Variants in ERMP1 observed in about 807,000 individuals in gnomAD.
The protein encoded by ERMP1 is Felix-ina.
A neutral mutation model predicts 92.0 loss-of-function variants in ERMP1; 86 were observed. The ratio of observed to expected loss-of-function variants is 0.93; its 90% CI spans 0.79 to 1.12. The LOEUF (loss-of-function observed/expected upper bound fraction) is 1.12. Ranked by LOEUF, ERMP1 falls within the 50% of genes most tolerant of loss-of-function variation. The pLI, the probability that ERMP1 is intolerant of heterozygous loss-of-function variation, is 0.00. For synonymous variants in ERMP1, 530 were observed against 412.8 expected (o/e 1.28, Z -3.44); for missense variants, 1,342 against 1,116.3 (o/e 1.20, Z -2.88).
At chr9:5,840,644 G>A (rs967774652) in intron 6 of ERMP1, among the ~76,000 whole-genome samples, 4 of 152,230 alleles carry the variant, frequency 2.6e-5, no homozygotes, top group Admixed American at 6.5e-5. Flanking sequence ...TGCGCTGAAA[G>A]CACTCCAGTA....
In ERMP1 at chr9:5,801,183, A is replaced by AAC; in HGVS notation, c.2058_2059dup (p.Phe687CysfsTer6). On this transcript the variant is annotated frameshift_variant, in exon 11 of 15. Coordinates refer to ENST00000339450, the MANE Select transcript of ERMP1 (RefSeq NM_024896.3). LOFTEE classifies it high-confidence loss of function. ...TCATGCAAAACTGCTCACCTGAAGA[A>AAC]ACACTCTCTTTGGCTTCGGATTAGC... The AAC allele has an allele frequency of 1.2e-6, 2 of 1,611,152 alleles. No individual in the cohort carries two copies. Among genetic ancestry groups the AAC allele is most frequent in the Non-Finnish European group, 1.7e-6 (2 of 1,178,970 alleles).
At chr9:5,847,462 C>T (rs925770666) in intron 6 of ERMP1, among the ~76,000 whole-genome samples, 1 of 152,108 alleles carries the variant, frequency 6.6e-6, no homozygotes, top group South Asian at 2.1e-4. Flanking sequence ...TGGTCTTCAC[C>T]TCCTGAGCTC....
chr9:5,817,371 G>A (rs185550126), intron 4 of ERMP1, among the ~76,000 whole-genome samples: 4 of 151,788 alleles, frequency 2.6e-5, no homozygotes, highest in Admixed American at 6.6e-5. Flanking sequence ...TGTACTTTTA[G>A]TAGAGACAGG....
In ERMP1 at chr9:5,815,876, A is replaced by G. The variant is rs577304977; in HGVS notation, c.875-2841T>C. 1.2e-3 allele frequency among the ~76,000 whole-genome samples: 177 copies of G among 152,268 alleles called. 1 individual carries two copies. The highest frequency in any genetic ancestry group is 2.1e-3 in the Non-Finnish European group (142 of 68,018). ...CACAAATACAAAAGGAAAAAGAACT[A>G]TGATGATGGGGAAATACGTACATTA... On this transcript the variant is annotated intron_variant, in intron 4 of 14. Coordinates refer to ENST00000339450, the MANE Select transcript of ERMP1 (RefSeq NM_024896.3).
chr9:5,794,794 G>A (rs185205931), intron 13 of ERMP1, among the ~76,000 whole-genome samples: 1 of 152,076 alleles, frequency 6.6e-6, no homozygotes, highest in South Asian at 2.1e-4. Context: ...CAAGCCTACG[G>A]GGGTTCATAG....
At chr9:5,803,533 G>A (rs1828753087) in intron 10 of ERMP1, among the ~76,000 whole-genome samples, 1 of 152,020 alleles carries the variant, frequency 6.6e-6, no homozygotes, top group East Asian at 1.9e-4. Context: ...CCCTATCTGA[G>A]TCATCTTTTA....
intron 13 of ERMP1, chr9:5,791,267 A>G: frequency 2.2e-6 from 1 of 456,824 alleles, no homozygotes; most frequent in Non-Finnish European, 4.4e-6. Context: ...CAAAATCTGA[A>G]GGATAGGCAG....
intron 6 of ERMP1, among the ~76,000 whole-genome samples, chr9:5,852,328 T>C (rs556090149): frequency 6.6e-6 from 1 of 151,932 alleles, no homozygotes; most frequent in South Asian, 2.1e-4. Flanking sequence ...AATGGCATGA[T>C]CAAGGCTCAC....
chr9:5,828,530 CT>C (rs1829813652), intron 2 of ERMP1, among the ~76,000 whole-genome samples: 1 of 152,178 alleles, frequency 6.6e-6, no homozygotes, highest in South Asian at 2.1e-4. Context: ...ATTTATTTGC[CT>C]TCCTTCAATT....
chr9:5,818,720 A>AC (rs1829415233), intron 4 of ERMP1, among the ~76,000 whole-genome samples: 1 of 152,154 alleles, frequency 6.6e-6, no homozygotes, highest in Admixed American at 6.5e-5. Context: ...CTCAAAAAAA[A>AC]AAAAAGAAAA....
intron 10 of ERMP1, among the ~76,000 whole-genome samples, chr9:5,803,285 A>C (rs1828743807): frequency 6.6e-6 from 1 of 152,244 alleles, no homozygotes; most frequent in African/African-American, 2.4e-5. Context: ...AAAGTGCGGC[A>C]GGGCTATTTC....
rs577149771 is a variant in ERMP1, at chr9:5,784,895, A to ATTTG, written c.*2245_*2248dup. On this transcript the variant is annotated 3_prime_UTR_variant, in exon 15 of 15. Transcript: ENST00000339450. ...CATCTAATTCTGTAGAAAATAATGC[A>ATTTG]TTTGTTAGTGACTTTGTTAGAGCTT... is the stretch of plus-strand genomic sequence containing the variant. The ATTTG allele has an allele frequency of 8.3e-4, 126 of 152,548 alleles. No individual in the cohort carries two copies. The highest frequency in any genetic ancestry group is 3.0e-3 in the African/African-American group (125 of 41,582). The allele number at this position is 152,548 out of a possible 1,614,324, so 9.4% of individuals were successfully genotyped here.
intron 6 of ERMP1, among the ~76,000 whole-genome samples, chr9:5,840,690 A>G (rs1229508680): frequency 6.6e-6 from 1 of 152,166 alleles, no homozygotes; most frequent in African/African-American, 2.4e-5. Context: ...CCTCCAACGA[A>G]TGACTTAATT....
intron 2 of ERMP1, 32 bp downstream of exon 2, chr9:5,830,695 A>C (rs1563772909): frequency 1.3e-6 from 2 of 1,553,434 alleles, no homozygotes; most frequent in East Asian, 4.5e-5. Flanking sequence ...GGGCTGTGAC[A>C]AGTTCCAAAT....
intron 11 of ERMP1, 151 bp downstream of exon 11, chr9:5,801,025 C>G (rs1007740410): frequency 6.7e-6 from 4 of 599,320 alleles, no homozygotes. Flanking sequence ...GACAGTCAGT[C>G]TTCTCCTCAC....
chr9:5,865,393 A>C (rs1830623048), intron 5 of ERMP1, among the ~76,000 whole-genome samples: 1 of 152,076 alleles, frequency 6.6e-6, no homozygotes, highest in Admixed American at 6.5e-5. Context: ...CTGTAGTCCC[A>C]GCTACTTGGG....
chr9:5,859,319 C>T (rs1773189613), intron 6 of ERMP1, among the ~76,000 whole-genome samples: 1 of 152,014 alleles, frequency 6.6e-6, no homozygotes, highest in South Asian at 2.1e-4. Flanking sequence ...TTCTTTTAAC[C>T]TTTCAAAGCA....
intron 6 of ERMP1, among the ~76,000 whole-genome samples, chr9:5,844,324 T>C (rs530077626): frequency 6.6e-6 from 1 of 152,288 alleles, no homozygotes; most frequent in East Asian, 1.9e-4. Flanking sequence ...CCCCAGACTA[T>C]AGTGCAGTGA....
At chr9:5,797,009 T>C (rs555564242) in intron 13 of ERMP1, among the ~76,000 whole-genome samples, 7 of 152,136 alleles carry the variant, frequency 4.6e-5, no homozygotes, top group African/African-American at 1.7e-4. Flanking sequence ...CTACTTAATT[T>C]TTCTGTAAAC....
Sources: allele counts gnomAD v4.1 joint callset (sites outside exome capture counted in the v4.1 genomes callset), GRCh38; gene constraint gnomAD v4.1.1; transcripts MANE v1.5; gene names NCBI Gene and HGNC (gene_info 2026-07-23, HGNC 2026-07-21).